TENM2: variants seen among roughly 807,000 people sequenced by gnomAD.
TENM2 encodes teneurin-2.
TENM2 carries 52 observed loss-of-function variants against 245.2 expected under a neutral mutation model. That is an observed-to-expected ratio of 0.21 (90% CI 0.17 to 0.27). The LOEUF is 0.27. Among genes scored for constraint, TENM2 ranks in the 10% least tolerant of loss-of-function variants. The probability of loss-of-function intolerance (pLI) is 1.00; values close to 1 mark genes in which losing one functional copy is unlikely to be tolerated. For synonymous variants in TENM2, 1,363 were observed against 1,438.9 expected (o/e 0.95, Z 1.19); for missense variants, 3,046 against 3,666.8 (o/e 0.83, Z 4.37).
intron 2 of TENM2, among the ~76,000 whole-genome samples, chr5:167,420,381 G>GTA: frequency 6.6e-6 from 1 of 152,274 alleles, no homozygotes; most frequent in East Asian, 1.9e-4. Context: ...ATGAGGACAT[G>GTA]TATAGCTGGT....
intron 1 of TENM2, among the ~76,000 whole-genome samples, chr5:167,365,969 A>G (rs1037578029): frequency 1.3e-5 from 2 of 151,984 alleles, no homozygotes; most frequent in African/African-American, 4.8e-5. Flanking sequence ...TCAAATTTTG[A>G]AGGTATAGAA....
intron 2 of TENM2, chr5:167,729,112 T>C (rs1313009097): frequency 6.6e-6 from 1 of 152,192 alleles, no homozygotes; most frequent in Non-Finnish European, 1.5e-5. Context: ...AGCAGTATAG[T>C]TGAAAACCTA....
chr5:168,139,549 G>A (rs1303447157), intron 12 of TENM2: 1 of 456,486 alleles, frequency 2.2e-6, no homozygotes, highest in Non-Finnish European at 4.4e-6. Flanking sequence ...GGTAGGAGGT[G>A]GTTGGGCAGG....
At chr5:167,039,450 T>C in the TENM2 span, among the ~76,000 whole-genome samples, 1 of 152,158 alleles carries the variant, frequency 6.6e-6, no homozygotes, top group Non-Finnish European at 1.5e-5. Context: ...ACCTCTGATA[T>C]TAGCATTGTA....
the TENM2 span, among the ~76,000 whole-genome samples, chr5:167,094,841 G>A: frequency 1.1e-4 from 17 of 152,080 alleles, no homozygotes; most frequent in African/African-American, 4.1e-4. Flanking sequence ...TCTGCAAAAT[G>A]AATTTTTCTT....
chr5:167,834,795 G>A (rs997356364), intron 2 of TENM2, among the ~76,000 whole-genome samples: 2 of 151,844 alleles, frequency 1.3e-5, no homozygotes, highest in East Asian at 3.9e-4. Flanking sequence ...GGCTACAGGC[G>A]CCCGCCACCA....
At chr5:167,581,085 G>A (rs1202335715) in intron 2 of TENM2, among the ~76,000 whole-genome samples, 1 of 152,156 alleles carries the variant, frequency 6.6e-6, no homozygotes, top group Non-Finnish European at 1.5e-5. Context: ...TAATCCTGTG[G>A]TTATATCTGG....
the TENM2 span, among the ~76,000 whole-genome samples, chr5:167,047,422 A>G: frequency 1.4e-5 from 1 of 73,678 alleles, no homozygotes; most frequent in African/African-American, 3.6e-5. Flanking sequence ...AATTACAAAG[A>G]AAGTTCCAAA....
At chr5:167,746,779 ATTAT>A (rs1206662871) in intron 2 of TENM2, among the ~76,000 whole-genome samples, 1 of 151,272 alleles carries the variant, frequency 6.6e-6, no homozygotes. Flanking sequence ...TGGAAATGTT[ATTAT>A]TTAAGGCAGC....
chr5:167,525,413 G>C (rs1469220037), intron 2 of TENM2, among the ~76,000 whole-genome samples: 2 of 152,096 alleles, frequency 1.3e-5, no homozygotes, highest in Non-Finnish European at 2.9e-5. Flanking sequence ...GAGGCTCCAC[G>C]TACCAACCTA....
At chr5:168,167,740 G>T (rs1758433564) in intron 13 of TENM2, among the ~76,000 whole-genome samples, 1 of 152,106 alleles carries the variant, frequency 6.6e-6, no homozygotes, top group South Asian at 2.1e-4. Context: ...ATTGATTGAG[G>T]GCTTGGGCTT....
chr5:167,825,176 T>C (rs548470626), intron 2 of TENM2, among the ~76,000 whole-genome samples: 4 of 152,314 alleles, frequency 2.6e-5, no homozygotes, highest in Admixed American at 2.6e-4. Flanking sequence ...TCAAAGCTTC[T>C]GGAGGTGGAA....
At chr5:167,801,905 G>GACACAC (rs10643504) in intron 2 of TENM2, among the ~76,000 whole-genome samples, 6,597 of 149,268 alleles carry the variant, frequency 0.044, 359 homozygotes, top group East Asian at 0.23. Flanking sequence ...CACACACACA[G>GACACAC]ACACACACAC....
chr5:167,491,264 C>T (rs1262527418), intron 2 of TENM2, among the ~76,000 whole-genome samples: 1 of 152,106 alleles, frequency 6.6e-6, no homozygotes, highest in Non-Finnish European at 1.5e-5. Context: ...CGTATGAAGC[C>T]ATACAGTATT....
chr5:167,737,992 G>A (rs192491408), intron 2 of TENM2, among the ~76,000 whole-genome samples: 7 of 152,242 alleles, frequency 4.6e-5, no homozygotes, highest in African/African-American at 1.7e-4. Context: ...CAGCTGTCAT[G>A]GCTGTGTTGT....
At chr5:167,597,813 T>C (rs563408113) in intron 2 of TENM2, among the ~76,000 whole-genome samples, 1 of 152,336 alleles carries the variant, frequency 6.6e-6, no homozygotes, top group East Asian at 1.9e-4. Context: ...CACACTAACC[T>C]CATTCTCTCA....
At chr5:167,094,991 C>T in the TENM2 span, among the ~76,000 whole-genome samples, 1 of 152,092 alleles carries the variant, frequency 6.6e-6, no homozygotes, top group African/African-American at 2.4e-5. Context: ...TGGTCCCTAC[C>T]TTTGAGGGAT....
At chr5:167,500,003 TGTGTGTGTGTATGTGTATGTGAGG>T (rs1769090293) in intron 2 of TENM2, among the ~76,000 whole-genome samples, 1 of 143,314 alleles carries the variant, frequency 7.0e-6, no homozygotes, top group Non-Finnish European at 1.6e-5. Context: ...TGAGGGTGTA[TGTGTGTGTGTATGTGTATGTGAGG>T]GTGTGTGTGT....
intron 2 of TENM2, among the ~76,000 whole-genome samples, chr5:167,837,991 T>A (rs1053254240): frequency 1.3e-5 from 2 of 152,218 alleles, no homozygotes; most frequent in African/African-American, 4.8e-5. Context: ...GTGAATCCCT[T>A]TGTGCATCCC....
Sources: gnomAD v4.1 joint callset for allele counts (sites outside exome capture counted in the v4.1 genomes callset) on GRCh38, gnomAD v4.1.1 for gene constraint, MANE v1.5 for transcripts, NCBI Gene and HGNC (gene_info 2026-07-23, HGNC 2026-07-21) for gene names.